DYNC1I1: variants seen among roughly 807,000 people sequenced by gnomAD.
DYNC1I1 encodes dynein cytoplasmic 1 intermediate chain 1, also known as cytoplasmic dynein 1 intermediate chain 1.
Under a neutral mutation model 86.6 loss-of-function variants are expected in DYNC1I1, and 43 were observed. The ratio of observed to expected loss-of-function variants is 0.50; its 90% CI spans 0.39 to 0.64. DYNC1I1 has a LOEUF of 0.64. Among genes scored for constraint, DYNC1I1 ranks in the 30% least tolerant of loss-of-function variants. The pLI is 0.00. For missense variants in DYNC1I1, 604 were observed against 788.8 expected, an observed-to-expected ratio of 0.77 and a Z score of 2.81; for synonymous variants, 262 against 283.7, an observed-to-expected ratio of 0.92 and a Z score of 0.77.
chr7:95,832,900 T>A (rs1396079206), intron 5 of DYNC1I1, among the ~76,000 whole-genome samples: 2 of 152,150 alleles, frequency 1.3e-5, no homozygotes, highest in African/African-American at 4.8e-5. Context: ...TCGTGAAAAT[T>A]TTCTCCCATT....
intron 4 of DYNC1I1, among the ~76,000 whole-genome samples, chr7:95,825,505 G>T (rs1342516998): frequency 6.6e-6 from 1 of 152,176 alleles, no homozygotes; most frequent in Non-Finnish European, 1.5e-5. Context: ...CAGCAAATAT[G>T]AATTACGTTA....
intron 1 of DYNC1I1, among the ~76,000 whole-genome samples, chr7:95,786,967 G>A (rs1794165106): frequency 6.6e-6 from 1 of 152,174 alleles, no homozygotes; most frequent in Non-Finnish European, 1.5e-5. Context: ...CCTGTAGTCA[G>A]CTATCATACT....
At chr7:95,794,974 C>T (rs1794400023) in intron 1 of DYNC1I1, among the ~76,000 whole-genome samples, 1 of 152,212 alleles carries the variant, frequency 6.6e-6, no homozygotes, top group Non-Finnish European at 1.5e-5. Flanking sequence ...TCTACAGCCA[C>T]AAATAGGTCC....
chr7:95,900,596 G>A (rs1791011361), intron 6 of DYNC1I1, among the ~76,000 whole-genome samples: 1 of 152,152 alleles, frequency 6.6e-6, no homozygotes, highest in Non-Finnish European at 1.5e-5. Flanking sequence ...CCCCATGGAA[G>A]TTATCCTCTC....
chr7:95,829,698 A>G (rs1467231761), intron 5 of DYNC1I1, among the ~76,000 whole-genome samples: 1 of 152,138 alleles, frequency 6.6e-6, no homozygotes. Flanking sequence ...TTGACTATGC[A>G]GATTAAAATT....
Position 96,040,716 on chromosome 7 carries a change from G to T in DYNC1I1, c.1509+1295G>T, listed in dbSNP as rs992167850. Among the ~76,000 whole-genome samples the T allele has an allele frequency of 4.1e-3, 590 of 144,860 alleles. 5 individuals are homozygous for T. Among genetic ancestry groups the T allele is most frequent in the Non-Finnish European group, 4.3e-3 (281 of 65,852 alleles). ...TAGCAGTGATCTTCACAAATGAGTA[G>T]TTTTTTTTTTTTTTCTTTTTTTTGA... On this transcript the variant is annotated intron_variant, in intron 14 of 16. Transcript: ENST00000447467.
intron 6 of DYNC1I1, among the ~76,000 whole-genome samples, chr7:95,944,781 C>A (rs1484533705): frequency 2.0e-5 from 3 of 149,850 alleles, no homozygotes; most frequent in Non-Finnish European, 4.4e-5. Flanking sequence ...GAACAAAAAA[C>A]CAAATACCGC....
intron 6 of DYNC1I1, among the ~76,000 whole-genome samples, chr7:95,930,788 A>T (rs1312690299): frequency 6.6e-6 from 1 of 152,026 alleles, no homozygotes; most frequent in Non-Finnish European, 1.5e-5. Context: ...TTTTTGATGT[A>T]AAAAAAATAT....
At chr7:96,106,483 C>T (rs891593819) in intron 16 of DYNC1I1, among the ~76,000 whole-genome samples, 1 of 151,748 alleles carries the variant, frequency 6.6e-6, no homozygotes, top group Non-Finnish European at 1.5e-5. Context: ...TAAAGTGAGC[C>T]AAGATCGCGC....
chr7:95,968,824 C>CTGTGTGTGTGTGTGTGTGTG (rs56022930), intron 6 of DYNC1I1, among the ~76,000 whole-genome samples: 1 of 94,356 alleles, frequency 1.1e-5, no homozygotes, highest in Non-Finnish European at 2.4e-5. Flanking sequence ...ATTTTTTGCT[C>CTGTGTGTGTGTGTGTGTGTG]TGTGTGTGTG....
chr7:95,909,472 G>A (rs1390342266), intron 6 of DYNC1I1, among the ~76,000 whole-genome samples: 1 of 152,036 alleles, frequency 6.6e-6, no homozygotes, highest in African/African-American at 2.4e-5. Flanking sequence ...CGGGGTTTCA[G>A]GGGGCATGGC....
At chr7:95,850,440 CT>C (rs1344190446) in intron 5 of DYNC1I1, among the ~76,000 whole-genome samples, 2 of 151,836 alleles carry the variant, frequency 1.3e-5, no homozygotes, top group South Asian at 4.1e-4. Flanking sequence ...GCCAACTGCT[CT>C]TTTTGCATCT....
intron 10 of DYNC1I1, among the ~76,000 whole-genome samples, chr7:96,016,239 C>A (rs1794399672): frequency 6.6e-6 from 1 of 151,268 alleles, no homozygotes; most frequent in Non-Finnish European, 1.5e-5. Context: ...TCACAGCTGG[C>A]AAAACCACCA....
intron 6 of DYNC1I1, among the ~76,000 whole-genome samples, chr7:95,931,428 C>T (rs568136087): frequency 6.6e-6 from 1 of 152,290 alleles, no homozygotes; most frequent in Admixed American, 6.5e-5. Flanking sequence ...GGATTACAGG[C>T]GTGAGCCACT....
chr7:95,915,521 G>A (rs879633222), intron 6 of DYNC1I1, among the ~76,000 whole-genome samples: 22 of 152,284 alleles, frequency 1.4e-4, no homozygotes, highest in Non-Finnish European at 2.9e-4. Flanking sequence ...GAAGAGTTAT[G>A]TCCTGATGGA....
At chr7:95,982,363 T>A (rs1026730206) in intron 7 of DYNC1I1, among the ~76,000 whole-genome samples, 1 of 152,162 alleles carries the variant, frequency 6.6e-6, no homozygotes, top group East Asian at 1.9e-4. Flanking sequence ...AATCATAATA[T>A]CTGGAGAGGC....
rs191225692 is a variant in DYNC1I1 at position 95,804,181 on chromosome 7, G to A, written c.-9-540G>A. The A allele has an allele frequency of 1.4e-4, 27 of 198,012 alleles. No individual in the cohort carries two copies. In the East Asian group the frequency reaches 3.7e-3, roughly 27 times the overall value. 12.3% of individuals were successfully genotyped at this position (198,012 alleles called of 1,614,324 possible). On this transcript the variant is annotated intron_variant, in intron 1 of 16. Coordinates refer to ENST00000447467, the MANE Select transcript of DYNC1I1 (RefSeq NM_001135556.2). ...AAGATTAACATGTTCGGTCTTCAGC[G>A]GCTGTCTTCCCTGATGCAAATAATG...
At position 96,057,274 on chromosome 7, in the gene DYNC1I1, G is replaced by C. The variant is rs151215122; in HGVS notation, c.1509+17853G>C. Among the ~76,000 whole-genome samples the C allele has an allele frequency of 4.9e-3, 753 of 152,278 alleles. 9 individuals carry two copies. The highest frequency in any genetic ancestry group is 0.017 in the African/African-American group (720 of 41,550). Reference sequence around the variant, plus strand: ...AAATGGGTGTGCTCAGTCTGTGCGAGTCAGAGTCCTTGAAACTGGGCCTTT... The same window carrying C: ...AAATGGGTGTGCTCAGTCTGTGCGACTCAGAGTCCTTGAAACTGGGCCTTT... On this transcript the variant is annotated intron_variant, in intron 14 of 16. Coordinates refer to ENST00000447467, the MANE Select transcript of DYNC1I1 (RefSeq NM_001135556.2).
At chr7:95,923,992 T>G (rs1791677209) in intron 6 of DYNC1I1, among the ~76,000 whole-genome samples, 1 of 152,132 alleles carries the variant, frequency 6.6e-6, no homozygotes, top group Non-Finnish European at 1.5e-5. Flanking sequence ...AGCCGTATTA[T>G]TTGCCAAGGA....
Sources: gnomAD v4.1 joint callset for allele counts (sites outside exome capture counted in the v4.1 genomes callset) on GRCh38, gnomAD v4.1.1 for gene constraint, MANE v1.5 for transcripts, NCBI Gene and HGNC (gene_info 2026-07-23, HGNC 2026-07-21) for gene names.